The following RPRD2 variants were observed in gnomAD, a reference collection of about 807,000 sequenced individuals.
The protein encoded by RPRD2 is regulation of nuclear pre-mRNA domain containing 2.
In RPRD2, 12 loss-of-function variants were observed where a neutral mutation model predicts 104.4. That is an observed-to-expected ratio of 0.11 (90% CI 0.07 to 0.19). RPRD2 has a LOEUF of 0.19. Ranked by LOEUF, RPRD2 falls within the 10% of genes least tolerant of loss-of-function variation. RPRD2 has a pLI of 1.00. For missense variants in RPRD2, 1,543 were observed against 1,790.1 expected (o/e 0.86, Z 2.49); for synonymous variants, 714 against 684.9 (o/e 1.04, Z -0.66).
intron 1 of RPRD2, among the ~76,000 whole-genome samples, chr1:150,407,996 C>A (rs1165481088): frequency 2.6e-5 from 4 of 151,918 alleles, no homozygotes; most frequent in South Asian, 4.2e-4. Context: ...GCAGCCTTGA[C>A]CCCCCGGGCT....
intron 1 of RPRD2, among the ~76,000 whole-genome samples, chr1:150,374,471 C>T (rs1660554620): frequency 6.6e-6 from 1 of 152,054 alleles, no homozygotes; most frequent in South Asian, 2.1e-4. Context: ...TTGTGTGAGC[C>T]CCGATTTATG....
intron 7 of RPRD2, among the ~76,000 whole-genome samples, chr1:150,455,852 C>T (rs587672767): frequency 2.9e-4 from 44 of 152,220 alleles, no homozygotes; most frequent in African/African-American, 7.7e-4. Flanking sequence ...CTCGCTTTGT[C>T]ACCCAAGCTG....
intron 1 of RPRD2, among the ~76,000 whole-genome samples, chr1:150,405,038 A>G (rs903243415): frequency 6.6e-6 from 1 of 152,204 alleles, no homozygotes; most frequent in Non-Finnish European, 1.5e-5. Context: ...GATTTTGTCA[A>G]GTATTGCTGA....
intron 1 of RPRD2, among the ~76,000 whole-genome samples, chr1:150,367,786 G>C (rs587634516): frequency 6.6e-6 from 1 of 151,224 alleles, no homozygotes; most frequent in East Asian, 1.9e-4. Context: ...GCAGTGGCGC[G>C]ATCTCAGCTC....
At chr1:150,389,735 ATT>A (rs1661916471) in intron 1 of RPRD2, among the ~76,000 whole-genome samples, 1 of 152,182 alleles carries the variant, frequency 6.6e-6, no homozygotes, top group Non-Finnish European at 1.5e-5. Context: ...CTGTGTAGAC[ATT>A]AACAAGCACA....
At chr1:150,433,016 T>G (rs909640378) in intron 2 of RPRD2, among the ~76,000 whole-genome samples, 4 of 152,044 alleles carry the variant, frequency 2.6e-5, no homozygotes, top group African/African-American at 9.7e-5. Flanking sequence ...ATTGGAATGA[T>G]TGTAACACAA....
At chr1:150,450,579 C>G (rs1667092371) in intron 7 of RPRD2, among the ~76,000 whole-genome samples, 1 of 135,300 alleles carries the variant, frequency 7.4e-6, no homozygotes, top group Admixed American at 7.8e-5. Context: ...GCACTCCAGC[C>G]TGGGCGACAG....
At chr1:150,442,138 A>AG (rs1666450533) in intron 4 of RPRD2, among the ~76,000 whole-genome samples, 180 bp downstream of exon 4, 1 of 151,972 alleles carries the variant, frequency 6.6e-6, no homozygotes, top group South Asian at 2.1e-4. Context: ...AAAAAAAAAA[A>AG]AAAAGCAAAC....
intron 1 of RPRD2, among the ~76,000 whole-genome samples, chr1:150,400,251 A>G (rs1335067904): frequency 6.6e-6 from 1 of 152,196 alleles, no homozygotes; most frequent in Non-Finnish European, 1.5e-5. Context: ...TATTAGTTCA[A>G]GTACCTATTT....
intron 2 of RPRD2, among the ~76,000 whole-genome samples, chr1:150,423,506 T>C (rs1265130627): frequency 6.6e-6 from 1 of 152,222 alleles, no homozygotes; most frequent in Non-Finnish European, 1.5e-5. Context: ...CTAGTTGTTA[T>C]ATAAGAGCTT....
intron 9 of RPRD2, 37 bp from the exon 10 acceptor site, chr1:150,464,490 G>T (rs1553899461): frequency 1.3e-6 from 2 of 1,513,636 alleles, no homozygotes; most frequent in South Asian, 2.4e-5. Context: ...AAGTCATTTT[G>T]AATTGCATTT....
At chr1:150,436,585 C>G (rs587714488) in intron 2 of RPRD2, among the ~76,000 whole-genome samples, 33 of 144,622 alleles carry the variant, frequency 2.3e-4, no homozygotes, top group African/African-American at 8.0e-4. Context: ...GGCAACAGAG[C>G]AAGACTCCGT....
At chr1:150,379,426 G>A (rs879972291) in intron 1 of RPRD2, among the ~76,000 whole-genome samples, 1 of 150,672 alleles carries the variant, frequency 6.6e-6, no homozygotes, top group Admixed American at 6.6e-5. Flanking sequence ...TTTTGAGACC[G>A]AGTTTTGCTT....
chr1:150,365,165 C>G (rs1191076004), intron 1 of RPRD2, among the ~76,000 whole-genome samples: 1 of 152,188 alleles, frequency 6.6e-6, no homozygotes, highest in Admixed American at 6.5e-5. Flanking sequence ...GGGCCCAGAT[C>G]CATGGAGATT....
intron 1 of RPRD2, among the ~76,000 whole-genome samples, chr1:150,391,902 C>T (rs1662102182): frequency 6.6e-6 from 1 of 151,426 alleles, no homozygotes; most frequent in Non-Finnish European, 1.5e-5. Context: ...AATGAGACTC[C>T]ATCTCAAAAA....
chr1:150,472,669 T>G lies in RPRD2; in HGVS notation c.3721T>G (p.Ser1241Ala). Residue 1241 changes from serine (S) to alanine (A), a missense_variant, in exon 11 of 11, where the codon TCG (serine) becomes GCG (alanine). By Grantham distance (99) the Ser-to-Ala change is moderately conservative (BLOSUM62 1). Transcript: ENST00000369068. ...CACTCATCTACCCTCTGTGGATCTT[T>G]CGAACCCCTTCACAAAGGAGGCAGC... Reference protein sequence around the residue: ...APTHLPSVDLSNPFTKEAALA... With the variant: ...APTHLPSVDLANPFTKEAALA... 6.2e-7 allele frequency: 1 copy of G among 1,613,892 alleles called. No individual in the cohort carries two copies. Among genetic ancestry groups the G allele is most frequent in the Non-Finnish European group, 8.5e-7 (1 of 1,179,816 alleles).
At chr1:150,450,527 A>G (rs1572502034) in intron 7 of RPRD2, among the ~76,000 whole-genome samples, 1 of 146,008 alleles carries the variant, frequency 6.8e-6, no homozygotes, top group Admixed American at 6.9e-5. Context: ...AATGACGTGA[A>G]CCCAGGAGGC....
chr1:150,456,448 G>A (rs1667530400), intron 7 of RPRD2, among the ~76,000 whole-genome samples: 1 of 151,954 alleles, frequency 6.6e-6, no homozygotes, highest in Non-Finnish European at 1.5e-5. Flanking sequence ...CAATGTACGT[G>A]ATTAATAATA....
At chr1:150,383,713 A>G (rs1553881255) in intron 1 of RPRD2, among the ~76,000 whole-genome samples, 2 of 152,208 alleles carry the variant, frequency 1.3e-5, no homozygotes, top group African/African-American at 2.4e-5. Flanking sequence ...TTTCACTTTA[A>G]GAAGACTTAA....
Sources: gnomAD v4.1 joint callset for allele counts (sites outside exome capture counted in the v4.1 genomes callset) on GRCh38, gnomAD v4.1.1 for gene constraint, MANE v1.5 for transcripts, NCBI Gene and HGNC (gene_info 2026-07-23, HGNC 2026-07-21) for gene names.